The following DCHS2 variants were observed in gnomAD, a reference collection of about 807,000 sequenced individuals.
DCHS2 encodes the protein dachsous cadherin-related 2, also known as protocadherin-23.
In DCHS2, 142 loss-of-function variants were observed where a neutral mutation model predicts 182.4. The ratio of observed to expected loss-of-function variants is 0.78; its 90% confidence interval spans 0.68 to 0.89. The LOEUF (loss-of-function observed/expected upper bound fraction) is 0.89, where lower values mean the gene tolerates loss of function less well. DCHS2 is among the 40% of genes least tolerant of loss of function. DCHS2 has a pLI of 0.00. For synonymous variants in DCHS2, 1,740 were observed against 1,663.3 expected (o/e 1.05, Z -1.12); for missense variants, 4,319 against 4,198.6 (o/e 1.03, Z -0.79).
chr4:154,238,093 G>T (rs376978287), intron 19 of DCHS2, among the ~76,000 whole-genome samples: 1 of 150,172 alleles, frequency 6.7e-6, no homozygotes, highest in African/African-American at 2.4e-5. Flanking sequence ...ATTTGCTGTG[G>T]CCGGGGTGGC....
In DCHS2 at chr4:154,320,743, G is replaced by A; in HGVS notation, c.4656C>T (p.Ser1552=). ...GAAATGGATTCGTGCCAGGGTTGTG[G>A]GATTCAATGTAGTATTGTATTCTAC... is the stretch of plus-strand genomic sequence containing the variant. The part of the protein sequence containing the change: ...LNSRIQYYIE[S]HNPGTNPFLI... The change falls in exon 9 of 20, where the codon TCC becomes TCT. Residue 1552 remains serine (S), a synonymous_variant. Transcript: ENST00000357232. 3.1e-6 allele frequency: 5 copies of A among 1,614,008 alleles called. No individual in the cohort carries two copies. Among genetic ancestry groups the A allele is most frequent in the Middle Eastern group, 3.3e-4 (2 of 6,060 alleles).
chr4:154,477,332 G>T (rs1381514602), intron 1 of DCHS2, among the ~76,000 whole-genome samples: 2 of 152,030 alleles, frequency 1.3e-5, no homozygotes, highest in Non-Finnish European at 2.9e-5. Context: ...ATCTCACAAA[G>T]GCCCCACCTC....
At chr4:154,477,713 G>A (rs931006915) in intron 1 of DCHS2, among the ~76,000 whole-genome samples, 1 of 152,224 alleles carries the variant, frequency 6.6e-6, no homozygotes, top group Non-Finnish European at 1.5e-5. Context: ...GGGTCCCAGA[G>A]CATTGACTCT....
At chr4:154,398,995 T>C (rs1732046853) in intron 1 of DCHS2, among the ~76,000 whole-genome samples, 1 of 152,116 alleles carries the variant, frequency 6.6e-6, no homozygotes, top group South Asian at 2.1e-4. Flanking sequence ...TAAGGGAAAA[T>C]GGGAACAGTA....
rs760604721 is a variant in DCHS2, at chr4:154,234,514, G to C, written c.*22C>G. 5.7e-6 allele frequency: 9 copies of C among 1,580,970 alleles called. No individual in the cohort carries two copies. In the East Asian group the frequency reaches 1.6e-4, roughly 28 times the overall value. ...ATTCATTCATGACCAATGGTGAGCAGGTACTTGGCATCCCAGTGGTTTCAT... is the reference window on the plus strand; with the variant it reads ...ATTCATTCATGACCAATGGTGAGCACGTACTTGGCATCCCAGTGGTTTCAT... On this transcript the variant is annotated 3_prime_UTR_variant, in exon 20 of 20. Transcript: ENST00000357232.
chr4:154,446,649 G>A (rs570478731), intron 1 of DCHS2, among the ~76,000 whole-genome samples: 6 of 152,142 alleles, frequency 3.9e-5, no homozygotes, highest in South Asian at 2.1e-4. Flanking sequence ...GAGTGCAGGC[G>A]ATCTGGCTGG....
In DCHS2 at chr4:154,322,317, G is replaced by A. The variant is rs779322224; in HGVS notation, c.4176+14C>T. On this transcript the variant is annotated intron_variant, in intron 8 of 19. Coordinates refer to ENST00000357232, the MANE Select transcript of DCHS2 (RefSeq NM_001358235.2). The stretch of plus-strand genomic sequence containing the variant: ...CTTTAGATGTCCTTCCATATTTTAT[G>A]GTGACAACATTACCTGAATATTAAC... 6 of 1,612,294 alleles carry A rather than the reference G, an allele frequency of 3.7e-6. No individual in the cohort carries two copies. In the South Asian group the frequency reaches 5.5e-5, roughly 15 times the overall value.
chr4:154,459,149 T>C (rs995495296), intron 1 of DCHS2, among the ~76,000 whole-genome samples: 2 of 152,134 alleles, frequency 1.3e-5, no homozygotes, highest in African/African-American at 4.8e-5. Flanking sequence ...AATCAGAAAG[T>C]AGCAGCTCCC....
intron 16 of DCHS2, among the ~76,000 whole-genome samples, chr4:154,247,230 A>C (rs1226805230): frequency 6.6e-6 from 1 of 152,184 alleles, no homozygotes; most frequent in Non-Finnish European, 1.5e-5. Context: ...TAATCCCAGC[A>C]CTTTGGGAGG....
At chr4:154,314,535 T>C (rs112752263) in intron 10 of DCHS2, among the ~76,000 whole-genome samples, 3,738 of 152,218 alleles carry the variant, frequency 0.025, 81 homozygotes, top group Non-Finnish European at 0.036. Flanking sequence ...CACATACAAA[T>C]TCATGTAAAA....
chr4:154,397,841 T>C (rs1383904523), intron 1 of DCHS2, among the ~76,000 whole-genome samples: 1 of 152,198 alleles, frequency 6.6e-6, no homozygotes, highest in Non-Finnish European at 1.5e-5. Context: ...GGTTGAGCAG[T>C]AGTTTTTTCT....
intron 1 of DCHS2, among the ~76,000 whole-genome samples, chr4:154,419,322 C>T (rs1732999042): frequency 6.6e-6 from 1 of 152,106 alleles, no homozygotes; most frequent in Non-Finnish European, 1.5e-5. Flanking sequence ...TATCAAACTA[C>T]TCATTCAAAA....
rs774209943 is a variant in DCHS2, at chr4:154,335,074, T to C, written c.2507A>G (p.His836Arg). The change falls in exon 4 of 20, where the codon CAT becomes CGT. Residue 836 changes from histidine (H) to arginine (R), a missense_variant. His to Arg is a conservative substitution (Grantham distance 29). Transcript: ENST00000357232. ...CAACGAAAGTGTGGTAGATTCCAAA[T>C]GACTAAGAGGTAATGTTAAGTAAAT... ...GIIYLTLPLS[H>R]LESTTLSLMV... is the part of the protein sequence containing the mutation. 6.8e-6 allele frequency: 11 copies of C among 1,612,344 alleles called. No individual in the cohort carries two copies. The highest frequency in any genetic ancestry group is 3.3e-5 in the South Asian group (3 of 91,060).
Position 154,234,388 on chromosome 4 carries a change from C to A in DCHS2, c.*148G>T. On this transcript the variant is annotated 3_prime_UTR_variant, in exon 20 of 20. Coordinates refer to ENST00000357232, the MANE Select transcript of DCHS2 (RefSeq NM_001358235.2). Reference sequence around the variant, plus strand: ...TTAAGGCTGGAAGAAATTGGAGAAACTTTAATGGGGAAGTTTTAAAAACTC... The same window carrying A: ...TTAAGGCTGGAAGAAATTGGAGAAAATTTAATGGGGAAGTTTTAAAAACTC... 2 of 1,154,654 alleles carry A rather than the reference C, an allele frequency of 1.7e-6. No individual in the cohort carries two copies. Among genetic ancestry groups the A allele is most frequent in the Non-Finnish European group, 2.3e-6 (2 of 852,886 alleles). The allele number at this position is 1,154,654 out of a possible 1,614,324, so 71.5% of individuals were successfully genotyped here. A position where few individuals can be genotyped will look rare whatever the true frequency, so the allele number is the denominator to read the frequency against.
intron 1 of DCHS2, among the ~76,000 whole-genome samples, chr4:154,470,038 G>A (rs1735395814): frequency 6.6e-6 from 1 of 152,116 alleles, no homozygotes; most frequent in South Asian, 2.1e-4. Flanking sequence ...TTCTACAACA[G>A]GGCCTGAGAC....
chr4:154,445,354 C>T (rs1431087190), intron 1 of DCHS2, among the ~76,000 whole-genome samples: 1 of 152,192 alleles, frequency 6.6e-6, no homozygotes, highest in African/African-American at 2.4e-5. Flanking sequence ...TTCTTCAGGG[C>T]ATTTAACAAA....
intron 14 of DCHS2, among the ~76,000 whole-genome samples, chr4:154,263,505 A>G (rs1008765627): frequency 3.9e-5 from 6 of 152,094 alleles, no homozygotes; most frequent in Non-Finnish European, 8.8e-5. Flanking sequence ...AAGTACTAAC[A>G]GCTCATTTTT....
chr4:154,401,012 A>G (rs905196237), intron 1 of DCHS2, among the ~76,000 whole-genome samples: 9 of 152,218 alleles, frequency 5.9e-5, no homozygotes, highest in African/African-American at 1.9e-4. Flanking sequence ...CAACACACCA[A>G]TCAAAATAGA....
At chr4:154,388,795 A>G (rs1018873156) in intron 1 of DCHS2, among the ~76,000 whole-genome samples, 1 of 151,934 alleles carries the variant, frequency 6.6e-6, no homozygotes, top group Non-Finnish European at 1.5e-5. Context: ...CGCCCGGCCA[A>G]ATACATGTAA....
Sources: gnomAD v4.1 joint callset for allele counts (sites outside exome capture counted in the v4.1 genomes callset) on GRCh38, gnomAD v4.1.1 for gene constraint, MANE v1.5 for transcripts, NCBI Gene and HGNC (gene_info 2026-07-23, HGNC 2026-07-21) for gene names.